SBF2: variants seen among roughly 807,000 people sequenced by gnomAD.
The protein encoded by SBF2 is myotubularin-related protein 13.
Under a neutral mutation model 225.2 loss-of-function variants are expected in SBF2, and 112 were observed. The observed-to-expected ratio is 0.50, with a 90% CI of 0.43 to 0.58. The LOEUF is 0.58. Ranked by LOEUF, SBF2 falls within the 20% of genes least tolerant of loss-of-function variation. The pLI is 0.00. For missense variants in SBF2, 1,996 were observed against 2,206.2 expected, an observed-to-expected ratio of 0.90 and a Z score of 1.91; for synonymous variants, 763 against 773.3, an observed-to-expected ratio of 0.99 and a Z score of 0.22.
intron 6 of SBF2, among the ~76,000 whole-genome samples, chr11:10,014,854 G>A (rs1028947653): frequency 6.6e-6 from 1 of 152,114 alleles, no homozygotes; most frequent in African/African-American, 2.4e-5. Context: ...ACCAGGCCTG[G>A]TGCAGTGGCT....
intron 2 of SBF2, among the ~76,000 whole-genome samples, chr11:10,057,025 C>T (rs1465193380): frequency 1.3e-5 from 2 of 152,176 alleles, no homozygotes; most frequent in African/African-American, 4.8e-5. Flanking sequence ...GGGCCAGCAA[C>T]AGGTCTGTAC....
intron 1 of SBF2, among the ~76,000 whole-genome samples, chr11:10,291,658 AC>A (rs1351543078): frequency 2.8e-3 from 3 of 1,068 alleles, no homozygotes; most frequent in Non-Finnish European, 0.018. Context: ...AATCCACTAA[AC>A]ACACACACAC....
intron 2 of SBF2, among the ~76,000 whole-genome samples, chr11:10,176,092 T>C (rs1241405222): frequency 9.5e-6 from 1 of 104,774 alleles, no homozygotes; most frequent in Non-Finnish European, 2.1e-5. Context: ...GAATGACTAC[T>C]GGGTGCATAA....
intron 2 of SBF2, among the ~76,000 whole-genome samples, chr11:10,128,344 A>G (rs16907493): frequency 0.075 from 11,468 of 152,270 alleles, 615 homozygotes; most frequent in East Asian, 0.28. Context: ...TTGGCATTCA[A>G]ATAACTACTG....
At chr11:10,263,735 A>G (rs969252848) in intron 1 of SBF2, among the ~76,000 whole-genome samples, 1 of 152,206 alleles carries the variant, frequency 6.6e-6, no homozygotes. Flanking sequence ...AGAATATACC[A>G]TATCAAATGA....
At chr11:10,200,000 G>A (rs779822388) in intron 1 of SBF2, among the ~76,000 whole-genome samples, 1 of 152,142 alleles carries the variant, frequency 6.6e-6, no homozygotes, top group Non-Finnish European at 1.5e-5. Context: ...TCAGGCATAG[G>A]GGCATGCTAT....
chr11:10,291,947 A>G (rs191678260), intron 1 of SBF2, among the ~76,000 whole-genome samples: 10 of 152,346 alleles, frequency 6.6e-5, no homozygotes, highest in Non-Finnish European at 1.2e-4. Flanking sequence ...ATTCGTATGT[A>G]TCTAATCATG....
At chr11:10,207,808 A>C (rs1957797129) in intron 1 of SBF2, among the ~76,000 whole-genome samples, 1 of 152,098 alleles carries the variant, frequency 6.6e-6, no homozygotes, top group Non-Finnish European at 1.5e-5. Context: ...TAACAAATGG[A>C]AAACAAGCTC....
At chr11:10,230,973 A>G (rs926145199) in intron 1 of SBF2, among the ~76,000 whole-genome samples, 26 of 152,006 alleles carry the variant, frequency 1.7e-4, no homozygotes, top group Non-Finnish European at 3.5e-4. Flanking sequence ...TGGTCTTTTC[A>G]CATAGTCCCT....
chr11:10,230,930 G>A (rs533517632), intron 1 of SBF2, among the ~76,000 whole-genome samples: 91 of 152,192 alleles, frequency 6.0e-4, no homozygotes, highest in Middle Eastern at 3.4e-3. Context: ...CATTCTCCCC[G>A]TCACTTTCAG....
At chr11:10,293,457 G>A (rs1028896322) in intron 1 of SBF2, among the ~76,000 whole-genome samples, 1 of 152,188 alleles carries the variant, frequency 6.6e-6, no homozygotes, top group African/African-American at 2.4e-5. Context: ...TCCTAGAAAG[G>A]GGTAAAAGTG....
At chr11:9,808,768 G>A in intron 31 of SBF2, 133 bp downstream of exon 31, 1 of 682,626 alleles carries the variant, frequency 1.5e-6, no homozygotes, top group Non-Finnish European at 2.5e-6. Context: ...TGGATACCAG[G>A]TGCTGTTTAA....
intron 16 of SBF2, among the ~76,000 whole-genome samples, chr11:9,909,901 C>G (rs560850534): frequency 6.6e-6 from 1 of 152,076 alleles, no homozygotes; most frequent in South Asian, 2.1e-4. Flanking sequence ...CCTGGCATGG[C>G]AGATCAAAGA....
intron 16 of SBF2, among the ~76,000 whole-genome samples, chr11:9,930,194 G>C (rs1038367456): frequency 6.6e-6 from 1 of 152,070 alleles, no homozygotes; most frequent in African/African-American, 2.4e-5. Context: ...AAATGTGTTT[G>C]AGCCTAGTTA....
chr11:9,923,498 G>A (rs988715290), intron 16 of SBF2, among the ~76,000 whole-genome samples: 2 of 152,202 alleles, frequency 1.3e-5, no homozygotes, highest in Non-Finnish European at 2.9e-5. Flanking sequence ...AAACATCACG[G>A]CCACTGTTTA....
At chr11:10,105,130 T>C (rs1277406970) in intron 2 of SBF2, among the ~76,000 whole-genome samples, 1 of 152,166 alleles carries the variant, frequency 6.6e-6, no homozygotes, top group African/African-American at 2.4e-5. Context: ...TCCTCCTCTA[T>C]TCACTGAAAG....
chr11:9,859,537 G>A (rs917984162), intron 17 of SBF2, among the ~76,000 whole-genome samples: 3 of 152,048 alleles, frequency 2.0e-5, no homozygotes, highest in Admixed American at 6.6e-5. Context: ...TTTATTCTTT[G>A]GAATTGAGTT....
At chr11:9,959,015 C>T in intron 16 of SBF2, 1 of 1,129,156 alleles carries the variant, frequency 8.9e-7, no homozygotes, top group Non-Finnish European at 1.3e-6. Flanking sequence ...TATTTCAGAC[C>T]ATTCTCCCGC....
chr11:10,005,692 A>G (rs1219194178), intron 6 of SBF2, among the ~76,000 whole-genome samples: 1 of 152,180 alleles, frequency 6.6e-6, no homozygotes, highest in Non-Finnish European at 1.5e-5. Flanking sequence ...TGATTTGGAT[A>G]CATTCCCTAA....
Sources: gnomAD v4.1 joint callset for allele counts (sites outside exome capture counted in the v4.1 genomes callset) on GRCh38, gnomAD v4.1.1 for gene constraint, MANE v1.5 for transcripts, NCBI Gene and HGNC (gene_info 2026-07-23, HGNC 2026-07-21) for gene names.